The following KIAA1328 variants were observed in gnomAD, a reference collection of about 807,000 sequenced individuals.
KIAA1328 encodes the protein protein hinderin.
In KIAA1328, 52 loss-of-function variants were observed where a neutral mutation model predicts 68.1. The observed-to-expected ratio is 0.76, with a 90% CI of 0.61 to 0.96. The LOEUF is 0.96. KIAA1328 is among the 40% of genes least tolerant of loss of function. The pLI is 0.00. For missense variants in KIAA1328, 641 were observed against 677.6 expected (o/e 0.95, Z 0.60); for synonymous variants, 232 against 239.4 (o/e 0.97, Z 0.28).
chr18:37,158,905 C>G (rs1394282214), intron 7 of KIAA1328, among the ~76,000 whole-genome samples: 2 of 152,018 alleles, frequency 1.3e-5, no homozygotes, highest in Admixed American at 6.6e-5. Context: ...TTTGGGGCCT[C>G]TGGGTTGACG....
chr18:36,978,650 T>G (rs910476878), intron 6 of KIAA1328, among the ~76,000 whole-genome samples: 3 of 152,210 alleles, frequency 2.0e-5, no homozygotes, highest in African/African-American at 7.2e-5. Flanking sequence ...TTAATAGAAA[T>G]ATAGTATACT....
intron 9 of KIAA1328, among the ~76,000 whole-genome samples, chr18:37,181,120 C>T (rs2059691365): frequency 6.6e-6 from 1 of 152,100 alleles, no homozygotes; most frequent in Admixed American, 6.6e-5. Context: ...CTCAGAGTAA[C>T]AGTTTATTCA....
chr18:36,850,382 A>G (rs925147930), intron 4 of KIAA1328, among the ~76,000 whole-genome samples: 1 of 151,932 alleles, frequency 6.6e-6, no homozygotes, highest in African/African-American at 2.4e-5. Flanking sequence ...AGTTTTATTT[A>G]TTTATTTATT....
chr18:37,006,487 TA>T (rs1435966578), intron 6 of KIAA1328, among the ~76,000 whole-genome samples: 1 of 152,150 alleles, frequency 6.6e-6, no homozygotes, highest in East Asian at 1.9e-4. Flanking sequence ...AACATTCTTC[TA>T]TTTTTTTTAT....
At chr18:36,856,892 A>C (rs1165541090) in intron 4 of KIAA1328, among the ~76,000 whole-genome samples, 1 of 152,044 alleles carries the variant, frequency 6.6e-6, no homozygotes, top group Non-Finnish European at 1.5e-5. Flanking sequence ...GGCTATTTTT[A>C]CAAAGACTTC....
At chr18:37,226,616 A>G (rs907073647), downstream of KIAA1328, among the ~76,000 whole-genome samples, 3 of 151,938 alleles carry the variant, frequency 2.0e-5, no homozygotes, top group African/African-American at 7.3e-5. Context: ...GCTGTCACAT[A>G]TACATGGTTC....
intron 6 of KIAA1328, among the ~76,000 whole-genome samples, chr18:37,052,052 A>C (rs555482988): frequency 2.0e-5 from 3 of 152,242 alleles, no homozygotes; most frequent in South Asian, 2.1e-4. Flanking sequence ...AAAAAAAAAA[A>C]AACTACAGGC....
intron 9 of KIAA1328, among the ~76,000 whole-genome samples, chr18:37,206,343 C>G (rs973910706): frequency 6.6e-6 from 1 of 152,016 alleles, no homozygotes; most frequent in African/African-American, 2.4e-5. Context: ...AAAGAGTAGC[C>G]CTATGGTAGT....
intron 5 of KIAA1328, among the ~76,000 whole-genome samples, chr18:36,953,340 G>A (rs2151238879): frequency 6.8e-6 from 1 of 146,188 alleles, no homozygotes; most frequent in African/African-American, 2.5e-5. Flanking sequence ...ACACACCAGA[G>A]GGGGCAAAGC....
At chr18:36,895,313 T>C (rs1568134500) in intron 5 of KIAA1328, among the ~76,000 whole-genome samples, 1 of 152,208 alleles carries the variant, frequency 6.6e-6, no homozygotes, top group Non-Finnish European at 1.5e-5. Flanking sequence ...AATGACATTT[T>C]AGAAGAATAA....
intron 7 of KIAA1328, among the ~76,000 whole-genome samples, chr18:37,078,822 AG>A (rs1409276067): frequency 6.7e-6 from 1 of 149,968 alleles, no homozygotes; most frequent in African/African-American, 2.5e-5. Flanking sequence ...TTAAAAAGTC[AG>A]GAAACAACAG....
chr18:36,848,601 T>C (rs949370693), intron 4 of KIAA1328, among the ~76,000 whole-genome samples: 1 of 139,158 alleles, frequency 7.2e-6, no homozygotes, highest in Non-Finnish European at 1.5e-5. Context: ...CAGTACAATG[T>C]TGAATGAAAG....
chr18:37,176,366 T>C (rs1284085206), intron 9 of KIAA1328, among the ~76,000 whole-genome samples: 1 of 152,222 alleles, frequency 6.6e-6, no homozygotes, highest in African/African-American at 2.4e-5. Context: ...TGGGCACCTT[T>C]GTATGTAGAA....
chr18:37,215,707 A>G (rs1404153626), intron 9 of KIAA1328, among the ~76,000 whole-genome samples: 1 of 152,208 alleles, frequency 6.6e-6, no homozygotes, highest in Non-Finnish European at 1.5e-5. Context: ...TGATTGGAAT[A>G]GTTTCAGAAG....
chr18:36,922,153 G>T, intron 5 of KIAA1328, among the ~76,000 whole-genome samples: 1 of 152,086 alleles, frequency 6.6e-6, no homozygotes, highest in South Asian at 2.1e-4. Flanking sequence ...CTAGATTTTA[G>T]CAGGATAGGA....
intron 6 of KIAA1328, among the ~76,000 whole-genome samples, chr18:37,064,703 G>C (rs571631955): frequency 1.3e-5 from 2 of 152,252 alleles, no homozygotes; most frequent in African/African-American, 4.8e-5. Flanking sequence ...GTCCTTCTAA[G>C]AAGGAGCAGA....
intron 5 of KIAA1328, among the ~76,000 whole-genome samples, chr18:36,915,659 A>G (rs1374250406): frequency 6.6e-6 from 1 of 152,202 alleles, no homozygotes; most frequent in Non-Finnish European, 1.5e-5. Context: ...TAGGTAAAGT[A>G]AAAAACAATA....
At chr18:37,059,931 A>T (rs2056079320) in intron 6 of KIAA1328, among the ~76,000 whole-genome samples, 1 of 151,582 alleles carries the variant, frequency 6.6e-6, no homozygotes, top group South Asian at 2.1e-4. Context: ...CAGCAAACTA[A>T]CACAGGAACA....
At chr18:37,108,146 G>A (rs1324891006) in intron 7 of KIAA1328, among the ~76,000 whole-genome samples, 1 of 152,114 alleles carries the variant, frequency 6.6e-6, no homozygotes, top group African/African-American at 2.4e-5. Context: ...TGGTAGATTG[G>A]ATAAAGAAAA....
Sources: allele counts gnomAD v4.1 joint callset (sites outside exome capture counted in the v4.1 genomes callset), GRCh38; gene constraint gnomAD v4.1.1; transcripts MANE v1.5; gene names NCBI Gene and HGNC (gene_info 2026-07-23, HGNC 2026-07-21).